FRK: variants seen among roughly 807,000 people sequenced by gnomAD.
FRK encodes tyrosine-protein kinase FRK.
In FRK, 51 loss-of-function variants were observed where a neutral mutation model predicts 56.4. The observed-to-expected ratio is 0.90, with a 90% confidence interval of 0.72 to 1.14. FRK has a LOEUF of 1.14. Ranked by LOEUF, FRK falls within the 50% of genes most tolerant of loss-of-function variation. FRK has a pLI of 0.00. For missense variants in FRK, 570 were observed against 601.4 expected (o/e 0.95, Z 0.55); for synonymous variants, 245 against 217.9 (o/e 1.12, Z -1.10).
chr6:116,015,455 G>A (rs1479021843), intron 1 of FRK, among the ~76,000 whole-genome samples: 1 of 152,150 alleles, frequency 6.6e-6, no homozygotes, highest in Non-Finnish European at 1.5e-5. Context: ...TGTGAGAACG[G>A]ACTAATACAG....
chr6:116,014,986 G>C (rs1428698953), intron 1 of FRK, among the ~76,000 whole-genome samples: 1 of 151,974 alleles, frequency 6.6e-6, no homozygotes, highest in East Asian at 1.9e-4. Flanking sequence ...GCCTGTGAAA[G>C]AAACTAACCA....
chr6:115,967,621 A>C lies in FRK; in HGVS notation c.729T>G (p.Gly243=). ...SIQLLKRLGS[G]QFGEVWEGLW... is the part of the protein sequence containing the mutation. ...GACCTTCCCATACTTCGCCAAACTG[A>C]CCAGATCCCAATCGCTTCAGAAGCT... Residue 243 remains glycine (G), a synonymous_variant, in exon 4 of 8, where the codon GGT becomes GGG. Transcript: ENST00000606080. 1 of 1,613,830 alleles carries C rather than the reference A, an allele frequency of 6.2e-7. No individual in the cohort carries two copies. The highest frequency in any genetic ancestry group is 8.5e-7 in the Non-Finnish European group (1 of 1,179,816).
At chr6:115,974,342 A>T (rs1773916489) in intron 2 of FRK, among the ~76,000 whole-genome samples, 1 of 152,176 alleles carries the variant, frequency 6.6e-6, no homozygotes, top group Admixed American at 6.5e-5. Context: ...CACAGTGATA[A>T]ATATGGCTTT....
chr6:116,007,702 T>C (rs557141055), intron 1 of FRK, among the ~76,000 whole-genome samples: 2 of 152,178 alleles, frequency 1.3e-5, no homozygotes, highest in African/African-American at 2.4e-5. Flanking sequence ...TAAAGCTGAA[T>C]TAGTATATAA....
intron 1 of FRK, among the ~76,000 whole-genome samples, chr6:116,030,684 TACC>T (rs1422543341): frequency 6.6e-6 from 1 of 152,172 alleles, no homozygotes; most frequent in Non-Finnish European, 1.5e-5. Flanking sequence ...GCTTTCCCCA[TACC>T]TCACCCTGTG....
At position 116,041,368 on chromosome 6, in the gene FRK, CCTAT is replaced by C. The variant is rs796129942; in HGVS notation, c.344+18596_344+18599del. Among the ~76,000 whole-genome samples the C allele has an allele frequency of 5.3e-4, 81 of 152,218 alleles. 1 individual carries two copies. Among genetic ancestry groups the C allele is most frequent in the African/African-American group, 1.9e-3 (77 of 41,530 alleles). ...AAAACCAGGGCTTCTTAATTCATTCCCTATCTGTCTTCTAGGAAAGTGCAAAGAG... is the reference window on the plus strand; with the variant it reads ...AAAACCAGGGCTTCTTAATTCATTCCCTGTCTTCTAGGAAAGTGCAAAGAG... On this transcript the variant is annotated intron_variant, in intron 1 of 7. Transcript: ENST00000606080.
At chr6:116,070,667 G>T in the FRK span, among the ~76,000 whole-genome samples, 2 of 152,118 alleles carry the variant, frequency 1.3e-5, no homozygotes, top group African/African-American at 2.4e-5. Flanking sequence ...ATATGTAATA[G>T]GTTAATTTCT....
intron 2 of FRK, among the ~76,000 whole-genome samples, chr6:115,984,805 T>G (rs1381463829): frequency 1.3e-5 from 2 of 151,994 alleles, no homozygotes; most frequent in East Asian, 1.9e-4. Flanking sequence ...TTGAATCACA[T>G]GATCAGTATC....
rs1461759452 is a variant in FRK, at chr6:115,942,418, C to T, written c.1514G>A (p.Arg505Lys). 6.2e-7 allele frequency: 1 copy of T among 1,609,122 alleles called. No homozygotes were observed. Among genetic ancestry groups the T allele is most frequent in the Non-Finnish European group, 8.5e-7 (1 of 1,175,840 alleles). Residue 505 changes from arginine to lysine, a missense_variant, in exon 8 of 8, where the codon AGA (arginine) becomes AAA (lysine). Arg to Lys is a conservative substitution (Grantham distance 26). Coordinates refer to ENST00000606080, the MANE Select transcript of FRK (RefSeq NM_002031.3). ...TTTGATATTCTTCTCCAGTGTTCAT[C>T]TTATGAAGTTATTTGCATCTGAATA... ...SSYSDANNFI[R>K]
At chr6:116,043,456 T>C (rs1776808003) in intron 1 of FRK, among the ~76,000 whole-genome samples, 1 of 152,098 alleles carries the variant, frequency 6.6e-6, no homozygotes, top group Non-Finnish European at 1.5e-5. Flanking sequence ...CACAACTACA[T>C]GGAAACTGAA....
the FRK span, among the ~76,000 whole-genome samples, chr6:116,066,996 T>C: frequency 1.2e-4 from 19 of 152,308 alleles, no homozygotes; most frequent in South Asian, 3.9e-3. Flanking sequence ...GTGACCTTAT[T>C]TGGAAATACG....
At chr6:116,050,130 G>A (rs767376045) in intron 1 of FRK, among the ~76,000 whole-genome samples, 20 of 152,148 alleles carry the variant, frequency 1.3e-4, no homozygotes, top group Non-Finnish European at 1.6e-4. Context: ...GACCTGGACT[G>A]GCACTTAACG....
At position 115,933,484 on chromosome 6, in the gene FRK, A is replaced by G. The variant is rs1386941197; in HGVS notation, c.*8930T>C. On this transcript the variant is annotated 3_prime_UTR_variant, in exon 8 of 8. Transcript: ENST00000606080. ...CATCAGGTAAAAACAAGAATAATAGATTGCTTTGACAGAACCTTGAACATA... is the reference window on the plus strand; with the variant it reads ...CATCAGGTAAAAACAAGAATAATAGGTTGCTTTGACAGAACCTTGAACATA... 1 of 152,228 alleles carries G rather than the reference A, an allele frequency of 6.6e-6. No individual in the cohort carries two copies. Among genetic ancestry groups the G allele is most frequent in the Non-Finnish European group, 1.5e-5 (1 of 68,024 alleles). 9.4% of individuals were successfully genotyped at this position (152,228 alleles called of 1,614,324 possible).
In FRK at chr6:115,968,884, GA is replaced by G. The variant is rs879318547; in HGVS notation, c.467-146del. The G allele has an allele frequency of 3.6e-4, 253 of 711,316 alleles. 2 individuals are homozygous for G. Among genetic ancestry groups the G allele is most frequent in the South Asian group, 9.2e-4 (43 of 46,562 alleles). The allele number at this position is 711,316 out of a possible 1,614,324, so 44.1% of individuals were successfully genotyped here. On this transcript the variant is annotated intron_variant, in intron 2 of 7. Transcript: ENST00000606080. Reference sequence around the variant, plus strand: ...CAACTTTGTCTCAGAAAAGATTTAAGAAAGTTTACAAAGGATATAGAACAAA... The same window carrying G: ...CAACTTTGTCTCAGAAAAGATTTAAGAAGTTTACAAAGGATATAGAACAAA...
At chr6:115,973,483 C>A (rs1029564692) in intron 2 of FRK, among the ~76,000 whole-genome samples, 1 of 152,070 alleles carries the variant, frequency 6.6e-6, no homozygotes, top group Non-Finnish European at 1.5e-5. Context: ...GTGCAGCAAA[C>A]CACCATGGCA....
the FRK span, among the ~76,000 whole-genome samples, chr6:116,081,293 C>A: frequency 6.6e-6 from 1 of 152,240 alleles, no homozygotes; most frequent in African/African-American, 2.4e-5. Context: ...TCAGTACCAT[C>A]GTTTTGGAGA....
chr6:116,028,536 A>C (rs1272506330), intron 1 of FRK, among the ~76,000 whole-genome samples: 1 of 152,144 alleles, frequency 6.6e-6, no homozygotes, highest in Non-Finnish European at 1.5e-5. Context: ...TTCTGCGGTC[A>C]GTGAGGGAAA....
chr6:116,066,021 C>T, the FRK span, among the ~76,000 whole-genome samples: 2 of 152,130 alleles, frequency 1.3e-5, no homozygotes, highest in Admixed American at 1.3e-4. Flanking sequence ...CCTACTTTCA[C>T]TCTTGTTCGA....
At chr6:116,002,734 G>T (rs1775110036) in intron 2 of FRK, 1 of 455,512 alleles carries the variant, frequency 2.2e-6, no homozygotes, top group Non-Finnish European at 4.4e-6. Flanking sequence ...TGTGGTTCTG[G>T]AGTACCACAT....
Sources: allele counts gnomAD v4.1 joint callset (sites outside exome capture counted in the v4.1 genomes callset), GRCh38; gene constraint gnomAD v4.1.1; transcripts MANE v1.5; gene names NCBI Gene and HGNC (gene_info 2026-07-23, HGNC 2026-07-21).